The following MLLT11 variants were observed in gnomAD, a reference collection of about 807,000 sequenced individuals.
The protein encoded by MLLT11 is MLLT11 transcription factor 7 cofactor.
Under a neutral mutation model 5.3 loss-of-function variants are expected in MLLT11, and 1 was observed. The ratio of observed to expected loss-of-function variants is 0.19; its 90% CI spans 0.07 to 0.89. The LOEUF (loss-of-function observed/expected upper bound fraction) is 0.89. Among genes scored for constraint, MLLT11 ranks in the 40% least tolerant of loss-of-function variants. MLLT11 has a pLI of 0.67. For missense variants in MLLT11, 87 were observed against 107.3 expected, an observed-to-expected ratio of 0.81 and a Z score of 0.83; for synonymous variants, 38 against 41.7, an observed-to-expected ratio of 0.91 and a Z score of 0.34.
intron 1 of MLLT11, among the ~76,000 whole-genome samples, chr1:151,063,033 T>TGAA: frequency 6.6e-6 from 1 of 152,324 alleles, no homozygotes; most frequent in African/African-American, 2.4e-5. Context: ...ACCCTCCTTC[T>TGAA]AAGCAGCTTC....
chr1:151,066,248 G>A (rs1004590194), intron 1 of MLLT11, among the ~76,000 whole-genome samples: 9 of 149,464 alleles, frequency 6.0e-5, no homozygotes, highest in South Asian at 2.1e-4. Flanking sequence ...AGCAATTCTC[G>A]TGCCTCAGCC....
intron 1 of MLLT11, among the ~76,000 whole-genome samples, chr1:151,065,602 T>C (rs1057473008): frequency 3.3e-5 from 5 of 151,962 alleles, no homozygotes; most frequent in Admixed American, 2.6e-4. Flanking sequence ...CTGGAGGAAA[T>C]AGAGTAGATG....
Position 151,067,412 on chromosome 1 carries a change from G to A in MLLT11, c.188G>A (p.Gly63Asp), listed in dbSNP as rs1405474903. Residue 63 changes from glycine (G) to aspartate (D), a missense_variant, in exon 2 of 2, where the codon GGT (glycine) becomes GAT (aspartate). By Grantham distance (94) the Gly-to-Asp change is moderately conservative (BLOSUM62 -1). Transcript: ENST00000368921. ...TAADQEKNPE[G>D]DGLLEYSTFN... ...GCAGACCAGGAGAAAAACCCTGAAG[G>A]TGATGGCCTCCTTGAGTACAGCACC... 2 of 1,614,154 alleles carry A rather than the reference G, an allele frequency of 1.2e-6. No individual in the cohort carries two copies. The highest frequency in any genetic ancestry group is 1.3e-5 in the African/African-American group (1 of 75,038).
intron 1 of MLLT11, among the ~76,000 whole-genome samples, chr1:151,061,610 A>G (rs1356662313): frequency 6.6e-6 from 1 of 152,210 alleles, no homozygotes; most frequent in Admixed American, 6.5e-5. Flanking sequence ...AGATAATGAA[A>G]GATGTAAAGA....
intron 1 of MLLT11, among the ~76,000 whole-genome samples, chr1:151,064,387 A>T (rs939056264): frequency 6.6e-6 from 1 of 152,176 alleles, no homozygotes; most frequent in Non-Finnish European, 1.5e-5. Flanking sequence ...TGGATTGTTA[A>T]GGCTTACCTG....
At chr1:151,062,879 G>A (rs1244932407) in intron 1 of MLLT11, among the ~76,000 whole-genome samples, 2 of 152,104 alleles carry the variant, frequency 1.3e-5, no homozygotes, top group Non-Finnish European at 2.9e-5. Context: ...GTGGGTGGTT[G>A]GTTAATGGAT....
rs1676495385 is a variant in MLLT11, at chr1:151,067,773, G to T, written c.*276G>T. 4.0e-6 allele frequency: 2 copies of T among 495,968 alleles called. No individual in the cohort carries two copies. The highest frequency in any genetic ancestry group is 3.6e-5 in the Admixed American group (1 of 27,830). The allele number at this position is 495,968 out of a possible 1,614,324, so 30.7% of individuals were successfully genotyped here. ...CCCAAATATTAACTCCAGAAACTAG[G>T]CCTGACTGGGGACACCTGAGAGTAG... On this transcript the variant is annotated 3_prime_UTR_variant, in exon 2 of 2. Coordinates refer to ENST00000368921, the MANE Select transcript of MLLT11 (RefSeq NM_006818.4).
intron 1 of MLLT11, 77 bp from the exon 2 acceptor site, chr1:151,067,142 A>T: frequency 4.3e-6 from 5 of 1,149,532 alleles, no homozygotes; most frequent in Non-Finnish European, 6.3e-6. Context: ...CAGTATGTGG[A>T]GTATCTAAGC....
intron 1 of MLLT11, among the ~76,000 whole-genome samples, chr1:151,064,726 C>T (rs1676452628): frequency 1.3e-5 from 2 of 152,116 alleles, no homozygotes; most frequent in African/African-American, 4.8e-5. Flanking sequence ...ACAGCAAGGC[C>T]CTGTTGAGTA....
chr1:151,061,732 C>A (rs1476707047), intron 1 of MLLT11, among the ~76,000 whole-genome samples: 1 of 152,128 alleles, frequency 6.6e-6, no homozygotes, highest in Non-Finnish European at 1.5e-5. Context: ...TATATTAAAT[C>A]AAAAATGTCA....
At chr1:151,065,381 T>C (rs1676461618) in intron 1 of MLLT11, among the ~76,000 whole-genome samples, 2 of 152,222 alleles carry the variant, frequency 1.3e-5, no homozygotes, top group African/African-American at 4.8e-5. Flanking sequence ...ATTTGAGCAG[T>C]TTTTTATTCA....
At position 151,064,516 on chromosome 1, in the gene MLLT11, C is replaced by T. The variant is rs189175798; in HGVS notation, c.-6-2703C>T. Among the ~76,000 whole-genome samples, 1,012 of 152,294 alleles carry T rather than the reference C, an allele frequency of 6.6e-3. 14 individuals are homozygous for T. Among genetic ancestry groups the T allele is most frequent in the African/African-American group, 0.024 (978 of 41,542 alleles). On this transcript the variant is annotated intron_variant, in intron 1 of 1. Coordinates refer to ENST00000368921, the MANE Select transcript of MLLT11 (RefSeq NM_006818.4). ...TTGTGTACAGAGAAAGTAGATTGGT[C>T]TTTACCCTTGGGGAAACTCCTAGGT...
chr1:151,062,880 GT>G (rs1676426381), intron 1 of MLLT11, among the ~76,000 whole-genome samples: 2 of 152,124 alleles, frequency 1.3e-5, no homozygotes, highest in Admixed American at 6.6e-5. Context: ...TGGGTGGTTG[GT>G]TAATGGATAC....
rs892958253 is a variant in MLLT11, at chr1:151,068,823, G to A, written c.*1326G>A. Among the ~76,000 whole-genome samples the A allele has an allele frequency of 6.6e-6, 1 of 152,318 alleles. No individual in the cohort carries two copies. Among genetic ancestry groups the A allele is most frequent in the East Asian group, 1.9e-4 (1 of 5,176 alleles). On this transcript the variant is annotated 3_prime_UTR_variant, in exon 2 of 2. Transcript: ENST00000368921. ...TGGTCTCTAACTCCTGACCTCAGGT[G>A]ATCTGCCCGCCTTAGCCTCTCAAAG...
chr1:151,065,125 C>T (rs920382269), intron 1 of MLLT11, among the ~76,000 whole-genome samples: 5 of 152,104 alleles, frequency 3.3e-5, no homozygotes, highest in Non-Finnish European at 7.4e-5. Context: ...TCAAAAATTT[C>T]ATTACTATTT....
At position 151,069,294 on chromosome 1, in the gene MLLT11, T is replaced by C. The variant is rs1213028359; in HGVS notation, c.*1797T>C. Among the ~76,000 whole-genome samples the C allele has an allele frequency of 6.6e-6, 1 of 152,048 alleles. No individual in the cohort carries two copies. The highest frequency in any genetic ancestry group is 2.4e-5 in the African/African-American group (1 of 41,382). The stretch of plus-strand genomic sequence containing the variant: ...TGTACTATAAATAAGGATGACACTA[T>C]ACCCTAAATAAGGATGATCTAGAGA... On this transcript the variant is annotated 3_prime_UTR_variant, in exon 2 of 2. Transcript: ENST00000368921.
intron 1 of MLLT11, among the ~76,000 whole-genome samples, chr1:151,061,744 T>C (rs981764768): frequency 1.3e-5 from 2 of 152,218 alleles, no homozygotes; most frequent in Non-Finnish European, 2.9e-5. Flanking sequence ...AAAATGTCAT[T>C]ACTACTTACA....
At position 151,068,093 on chromosome 1, in the gene MLLT11, T is replaced by C. The variant is rs1676500094; in HGVS notation, c.*596T>C. On this transcript the variant is annotated 3_prime_UTR_variant, in exon 2 of 2. Coordinates refer to ENST00000368921, the MANE Select transcript of MLLT11 (RefSeq NM_006818.4). ...AAACAGGAGGAAATATTATGGAAAA[T>C]GAAAATAGGGAAAATAATTGAATCA... The C allele has an allele frequency of 4.2e-6, 1 of 240,428 alleles. No individual in the cohort carries two copies. Among genetic ancestry groups the C allele is most frequent in the East Asian group, 6.5e-5 (1 of 15,346 alleles). The allele number at this position is 240,428 out of a possible 1,614,324, so 14.9% of individuals were successfully genotyped here.
intron 1 of MLLT11, among the ~76,000 whole-genome samples, chr1:151,063,526 C>T (rs1238966634): frequency 4.6e-5 from 7 of 151,886 alleles, no homozygotes; most frequent in African/African-American, 1.5e-4. Flanking sequence ...CCCAGGTTCG[C>T]GCCATTCTCC....
Sources: gnomAD v4.1 joint callset for allele counts (sites outside exome capture counted in the v4.1 genomes callset) on GRCh38, gnomAD v4.1.1 for gene constraint, MANE v1.5 for transcripts, NCBI Gene and HGNC (gene_info 2026-07-23, HGNC 2026-07-21) for gene names.